The following CELF2 variants were observed in gnomAD, a reference collection of about 807,000 sequenced individuals.
CELF2 encodes the protein CUGBP Elav-like family member 2.
CELF2 carries 8 observed loss-of-function variants against 62.6 expected under a neutral mutation model. The observed-to-expected ratio is 0.13, with a 90% CI of 0.07 to 0.23. The LOEUF (loss-of-function observed/expected upper bound fraction) is 0.23, where lower values mean the gene tolerates loss of function less well. Ranked by LOEUF, CELF2 falls within the 10% of genes least tolerant of loss-of-function variation. The pLI, the probability that CELF2 is intolerant of heterozygous loss-of-function variation, is 1.00. For missense variants in CELF2, 333 were observed against 671.0 expected (o/e 0.50, Z 5.56); for synonymous variants, 258 against 250.0 (o/e 1.03, Z -0.30).
At position 11,191,919 on chromosome 10, in the gene CELF2, C is replaced by T. The variant is rs1156445023; in HGVS notation, c.272-25506C>T. ...ATGCAGAGGCCCCGCCCTGTGTCCA[C>T]TCTACTTCTTAGGAACCTGGCAACC... On this transcript the variant is annotated intron_variant, in intron 2 of 12. Coordinates refer to ENST00000633077, the MANE Select transcript of CELF2 (RefSeq NM_001326342.2). This position sits in a 1 kb window ranked among gnomAD's most constrained non-coding sequence, Gnocchi z 4.1. Among the ~76,000 whole-genome samples the T allele has an allele frequency of 6.6e-6, 1 of 152,196 alleles. No homozygotes were observed. Among genetic ancestry groups the T allele is most frequent in the Non-Finnish European group, 1.5e-5 (1 of 68,032 alleles).
At chr10:10,572,023 A>C in the CELF2 span, among the ~76,000 whole-genome samples, 1 of 152,128 alleles carries the variant, frequency 6.6e-6, no homozygotes, top group Non-Finnish European at 1.5e-5. Flanking sequence ...GCATGTTGTA[A>C]GAATGTGGCC....
chr10:11,225,372 A>G (rs1485419830), intron 3 of CELF2, among the ~76,000 whole-genome samples: 1 of 152,148 alleles, frequency 6.6e-6, no homozygotes, highest in East Asian at 1.9e-4. Flanking sequence ...TGATCTGCAA[A>G]ACAAAAATGG....
intron 1 of CELF2, among the ~76,000 whole-genome samples, chr10:10,916,954 A>G (rs1475792011): frequency 6.6e-6 from 1 of 151,884 alleles, no homozygotes; most frequent in Non-Finnish European, 1.5e-5. Context: ...TTTTTAAGGA[A>G]AAAGAACTTA....
In CELF2 at chr10:11,257,881, G is replaced by T; in HGVS notation, c.538+9G>T. 2 of 1,613,976 alleles carry T rather than the reference G, an allele frequency of 1.2e-6. No homozygotes were observed. Among genetic ancestry groups the T allele is most frequent in the Non-Finnish European group, 1.7e-6 (2 of 1,179,866 alleles). The stretch of plus-strand genomic sequence containing the variant: ...TGATGGGCTGAGTCGAGGTGAGTGT[G>T]CTGTCTGGAAAGCCTCTCCCCTTCA... On this transcript the variant is annotated intron_variant, in intron 5 of 12. Coordinates refer to ENST00000633077, the MANE Select transcript of CELF2 (RefSeq NM_001326342.2).
At chr10:11,173,266 C>T (rs1038096043) in intron 2 of CELF2, among the ~76,000 whole-genome samples, 5 of 152,326 alleles carry the variant, frequency 3.3e-5, no homozygotes, top group African/African-American at 1.2e-4. Flanking sequence ...GAGGTGTTGT[C>T]AACAGGGTGA....
At chr10:10,616,675 C>CGTGTGT in the CELF2 span, among the ~76,000 whole-genome samples, 4 of 134,012 alleles carry the variant, frequency 3.0e-5, no homozygotes, top group African/African-American at 1.1e-4. Context: ...CACCCAAATT[C>CGTGTGT]GTGTGTGTGT....
intron 1 of CELF2, among the ~76,000 whole-genome samples, chr10:10,884,877 GC>G (rs2061658160): frequency 6.6e-6 from 1 of 152,234 alleles, no homozygotes; most frequent in South Asian, 2.1e-4. Flanking sequence ...ATTGTGGCAT[GC>G]TTATTGTGGC....
intron 1 of CELF2, among the ~76,000 whole-genome samples, chr10:11,025,534 G>A (rs1437703709): frequency 6.6e-6 from 1 of 152,078 alleles, no homozygotes; most frequent in African/African-American, 2.4e-5. Context: ...TTTCTGCCGT[G>A]ATTGTAAGTT....
At chr10:10,894,026 T>G (rs2062358100) in intron 1 of CELF2, among the ~76,000 whole-genome samples, 1 of 152,072 alleles carries the variant, frequency 6.6e-6, no homozygotes, top group Non-Finnish European at 1.5e-5. Flanking sequence ...AGAATGACTA[T>G]GTTAACCATA....
the CELF2 span, among the ~76,000 whole-genome samples, chr10:10,473,108 A>G: frequency 6.6e-6 from 1 of 152,056 alleles, no homozygotes; most frequent in Non-Finnish European, 1.5e-5. Context: ...TTGTCTAACA[A>G]TGTGAGCTTA....
the CELF2 span, among the ~76,000 whole-genome samples, chr10:10,492,846 C>CTACCA: frequency 2.0e-5 from 3 of 152,288 alleles, no homozygotes; most frequent in East Asian, 3.9e-4. Flanking sequence ...TTCCCCCATA[C>CTACCA]TGTTCTCATG....
Position 11,018,050 on chromosome 10 carries a change from G to A in CELF2, c.-40G>A, listed in dbSNP as rs746648661. The A allele has an allele frequency of 1.1e-5, 15 of 1,369,384 alleles. No homozygotes were observed. In the South Asian group the frequency reaches 2.0e-4, roughly 19 times the overall value. 84.8% of individuals were successfully genotyped at this position (1,369,384 alleles called of 1,614,324 possible). ...GCCCGCGGCCGCTCGGACGCGCGCA[G>A]AGCCGCCCCCCGCCGCTGCCGCCGC... On this transcript the variant is annotated 5_prime_UTR_variant, in exon 1 of 13. Transcript: ENST00000633077.
chr10:10,669,265 G>A, the CELF2 span, among the ~76,000 whole-genome samples: 1 of 152,320 alleles, frequency 6.6e-6, no homozygotes, highest in East Asian at 1.9e-4. Flanking sequence ...TGAAAGATTG[G>A]TTGTATAAAT....
intron 1 of CELF2, among the ~76,000 whole-genome samples, chr10:11,162,283 C>T (rs746337170): frequency 1.6e-4 from 25 of 151,662 alleles, no homozygotes; most frequent in African/African-American, 2.2e-4. Context: ...CCACCCATTT[C>T]GGCAGCGCCA....
the CELF2 span, among the ~76,000 whole-genome samples, chr10:10,688,684 A>C: frequency 6.6e-6 from 1 of 152,150 alleles, no homozygotes; most frequent in South Asian, 2.1e-4. Context: ...TGATGATATA[A>C]TTGGTTGTAT....
intron 1 of CELF2, among the ~76,000 whole-genome samples, chr10:11,053,392 A>G (rs61830397): frequency 0.023 from 3,512 of 152,250 alleles, 69 homozygotes; most frequent in South Asian, 0.04. Context: ...TTCACCTGAG[A>G]GGCATAGCTA....
At chr10:10,522,457 A>G in the CELF2 span, among the ~76,000 whole-genome samples, 64 of 152,326 alleles carry the variant, frequency 4.2e-4, no homozygotes, top group African/African-American at 1.5e-3. Context: ...AATCACCGGA[A>G]CCATGTTCTC....
intron 2 of CELF2, among the ~76,000 whole-genome samples, chr10:10,973,032 G>A (rs919353262): frequency 6.6e-6 from 1 of 152,182 alleles, no homozygotes; most frequent in African/African-American, 2.4e-5. Flanking sequence ...GCTCACGCCT[G>A]TAATCTCAGC....
chr10:10,754,379 C>T, the CELF2 span, among the ~76,000 whole-genome samples: 3 of 152,048 alleles, frequency 2.0e-5, no homozygotes, highest in East Asian at 3.9e-4. Context: ...CTCAAACTTC[C>T]GGACTTGAGC....
Sources: gnomAD v4.1 joint callset for allele counts (sites outside exome capture counted in the v4.1 genomes callset) on GRCh38, gnomAD v4.1.1 for gene constraint, Gnocchi (gnomAD v3.1) non-coding constraint, MANE v1.5 for transcripts, NCBI Gene and HGNC (gene_info 2026-07-23, HGNC 2026-07-21) for gene names.